SNAI1: variants seen among roughly 807,000 people sequenced by gnomAD.
SNAI1 encodes the protein snail family transcriptional repressor 1.
SNAI1 carries 15 observed loss-of-function variants against 24.7 expected under a neutral mutation model. The observed-to-expected ratio is 0.61, with a 90% CI of 0.41 to 0.93. SNAI1 has a LOEUF of 0.93. Among genes scored for constraint, SNAI1 ranks in the 40% least tolerant of loss-of-function variants. The pLI is 0.00. For missense variants in SNAI1, 283 were observed against 336.7 expected (o/e 0.84, Z 1.25); for synonymous variants, 163 against 142.9 (o/e 1.14, Z -1.00).
intron 2 of SNAI1, 30 bp from the exon 3 acceptor site, chr20:49,987,842 C>CA: frequency 1.9e-6 from 3 of 1,608,332 alleles, no homozygotes; most frequent in Non-Finnish European, 2.6e-6. Context: ...TCCCACGGCT[C>CA]ACTCGGCCTT....
intron 2 of SNAI1, among the ~76,000 whole-genome samples, chr20:49,985,190 G>T (rs2078330203): frequency 6.6e-6 from 1 of 152,256 alleles, no homozygotes; most frequent in Admixed American, 6.5e-5. Context: ...AAACTTTCTG[G>T]ACATGGAGAA....
chr20:49,983,323 T>C (rs1030810099), intron 1 of SNAI1, among the ~76,000 whole-genome samples, 182 bp downstream of exon 1: 1 of 150,140 alleles, frequency 6.7e-6, no homozygotes, highest in Non-Finnish European at 1.5e-5. Context: ...GTCTGGGTGG[T>C]TGGGGGAGTG....
intron 1 of SNAI1, among the ~76,000 whole-genome samples, 195 bp downstream of exon 1, chr20:49,983,336 G>A (rs535017416): frequency 7.2e-4 from 109 of 151,834 alleles, no homozygotes; most frequent in Non-Finnish European, 2.1e-4. Context: ...GGGGAGTGCC[G>A]TGTAGAGGGC....
At chr20:49,987,677 TCAGAGTTGCA>T (rs1393662213) in intron 2 of SNAI1, among the ~76,000 whole-genome samples, 185 bp from the exon 3 acceptor site, 3 of 152,116 alleles carry the variant, frequency 2.0e-5, no homozygotes, top group Non-Finnish European at 4.4e-5. Flanking sequence ...GACAACTTGC[TCAGAGTTGCA>T]CAGTGGGAAG....
intron 2 of SNAI1, among the ~76,000 whole-genome samples, chr20:49,987,612 T>C (rs2078337972): frequency 6.6e-6 from 1 of 151,574 alleles, no homozygotes; most frequent in Non-Finnish European, 1.5e-5. Flanking sequence ...CCCCTATGAG[T>C]GGGGGGTGAA....
chr20:49,988,141 T>C lies in SNAI1; in HGVS notation c.*85T>C. ...CAGCAGGAAGGACCCCACATCCTTC[T>C]CACTGCCATGGAATTCCCTCCTGAG... On this transcript the variant is annotated 3_prime_UTR_variant, in exon 3 of 3. Transcript: ENST00000244050. 2 of 1,235,742 alleles carry C rather than the reference T, an allele frequency of 1.6e-6. No homozygotes were observed. The highest frequency in any genetic ancestry group is 2.3e-6 in the Non-Finnish European group (2 of 886,258). 76.5% of individuals were successfully genotyped at this position (1,235,742 alleles called of 1,614,324 possible).
rs759304098 is a variant in SNAI1, at chr20:49,983,047, T to G, written c.-13T>G. On this transcript the variant is annotated 5_prime_UTR_variant, in exon 1 of 3. Coordinates refer to ENST00000244050, the MANE Select transcript of SNAI1 (RefSeq NM_005985.4). ...CTGCTGCGCGAATCGGCGACCCCAG[T>G]GCCTCGACCACTATGCCGCGCTCTT... 1.2e-6 allele frequency: 2 copies of G among 1,610,504 alleles called. No individual in the cohort carries two copies. Among genetic ancestry groups the G allele is most frequent in the East Asian group, 2.2e-5 (1 of 44,700 alleles).
rs2078324798 is a variant in SNAI1 at position 49,983,894 on chromosome 20, C to A, written c.153C>A (p.Asn51Lys). ...CCATCCCACCTCCGGAGATCCTCAA[C>A]CCCACCGCCTCGCTGCCAATGCTCA... is the stretch of plus-strand genomic sequence containing the variant. ...LAAIPPPEIL[N>K]PTASLPMLIW... Residue 51 changes from asparagine (N) to lysine (K), a missense_variant, in exon 2 of 3, where the codon AAC (asparagine) becomes AAA (lysine). Physicochemically the swap from Asn to Lys is moderately conservative, Grantham distance 94 (BLOSUM62 0). Transcript: ENST00000244050. 1 of 1,613,178 alleles carries A rather than the reference C, an allele frequency of 6.2e-7. No homozygotes were observed. Among genetic ancestry groups the A allele is most frequent in the Non-Finnish European group, 8.5e-7 (1 of 1,179,922 alleles).
chr20:49,983,077 C>G lies in SNAI1; in HGVS notation c.18C>G (p.Leu6=), dbSNP rs780596210. 1 of 1,613,744 alleles carries G rather than the reference C, an allele frequency of 6.2e-7. No homozygotes were observed. Among genetic ancestry groups the G allele is most frequent in the South Asian group, 1.1e-5 (1 of 91,048 alleles). The change falls in exon 1 of 3, where the codon CTC becomes CTG. Residue 6 remains leucine (L), a synonymous_variant. Coordinates refer to ENST00000244050, the MANE Select transcript of SNAI1 (RefSeq NM_005985.4). Reference sequence around the variant, plus strand: ...CGACCACTATGCCGCGCTCTTTCCTCGTCAGGAAGCCCTCCGACCCCAATC... The same window carrying G: ...CGACCACTATGCCGCGCTCTTTCCTGGTCAGGAAGCCCTCCGACCCCAATC... MPRSF[L]VRKPSDPNRK...
rs2078340674 is a variant in SNAI1, at chr20:49,988,274, G to A, written c.*218G>A. On this transcript the variant is annotated 3_prime_UTR_variant, in exon 3 of 3. Transcript: ENST00000244050. ...AAGAGGCCTTCCCATGGCCATTTCT[G>A]TGGAGGGAGGGCAGCTGGCCCCCAG... is the stretch of plus-strand genomic sequence containing the variant. 1.5e-5 allele frequency: 8 copies of A among 522,556 alleles called. No homozygotes were observed. The East Asian group carries it at 2.6e-4, about 17-fold the overall frequency. The allele number at this position is 522,556 out of a possible 1,614,324, so 32.4% of individuals were successfully genotyped here.
At chr20:49,987,671 A>G (rs1345287609) in intron 2 of SNAI1, among the ~76,000 whole-genome samples, 1 of 152,138 alleles carries the variant, frequency 6.6e-6, no homozygotes, top group African/African-American at 2.4e-5. Context: ...AAGCCAGACA[A>G]CTTGCTCAGA....
intron 1 of SNAI1, among the ~76,000 whole-genome samples, 191 bp downstream of exon 1, chr20:49,983,332 T>G: frequency 6.7e-6 from 1 of 148,590 alleles, no homozygotes; most frequent in African/African-American, 2.5e-5. Context: ...GTTGGGGGAG[T>G]GCCGTGTAGA....
At chr20:49,983,185 A>T (rs1349566828) in intron 1 of SNAI1, 44 bp downstream of exon 1, 1 of 1,483,568 alleles carries the variant, frequency 6.7e-7, no homozygotes, top group Non-Finnish European at 9.4e-7. Context: ...TGGGGGAGAC[A>T]GGCGAAGGCT....
intron 2 of SNAI1, among the ~76,000 whole-genome samples, chr20:49,985,971 T>C (rs60541386): frequency 0.28 from 42,099 of 152,046 alleles, 9,605 homozygotes; most frequent in African/African-American, 0.63. Flanking sequence ...TCCTAGAATG[T>C]CTCCTTCCCC....
chr20:49,984,660 G>A (rs1320607734), intron 2 of SNAI1, among the ~76,000 whole-genome samples: 3 of 152,184 alleles, frequency 2.0e-5, no homozygotes, highest in East Asian at 3.8e-4. Flanking sequence ...GGGCCCACCC[G>A]GCCACACCCT....
In SNAI1 at chr20:49,988,293, C is replaced by T; in HGVS notation, c.*237C>T. ...ATTTCTGTGGAGGGAGGGCAGCTGG[C>T]CCCCAGCCCTGGGGGATTCCTGAGC... On this transcript the variant is annotated 3_prime_UTR_variant, in exon 3 of 3. Transcript: ENST00000244050. 4.0e-6 allele frequency: 2 copies of T among 503,312 alleles called. No homozygotes were observed. Among genetic ancestry groups the T allele is most frequent in the South Asian group, 3.0e-5 (1 of 33,452 alleles). The allele number at this position is 503,312 out of a possible 1,614,324, so 31.2% of individuals were successfully genotyped here.
intron 2 of SNAI1, among the ~76,000 whole-genome samples, chr20:49,987,071 C>G (rs921369980): frequency 3.3e-5 from 5 of 152,228 alleles, no homozygotes; most frequent in Non-Finnish European, 7.3e-5. Flanking sequence ...CACAGGTTTC[C>G]GTAGCCTCTT....
Position 49,984,294 on chromosome 20 carries a change from T to G in SNAI1, c.553T>G (p.Cys185Gly). ...CACGCTGCCCTGCGTCTGCGGAACCTGCGGGAAGGCCTTCTCTAGGCCCTG... is the reference window on the plus strand; with the variant it reads ...CACGCTGCCCTGCGTCTGCGGAACCGGCGGGAAGGCCTTCTCTAGGCCCTG... ...SHTLPCVCGT[C>G]GKAFSRPWLL... Residue 185 changes from cysteine (C) to glycine (G), a missense_variant, in exon 2 of 3, where the codon TGC (cysteine) becomes GGC (glycine). Physicochemically the swap from Cys to Gly is radical, Grantham distance 159 (BLOSUM62 -3). Transcript: ENST00000244050. 1 of 1,613,536 alleles carries G rather than the reference T, an allele frequency of 6.2e-7. No individual in the cohort carries two copies. Among genetic ancestry groups the G allele is most frequent in the Non-Finnish European group, 8.5e-7 (1 of 1,179,796 alleles).
rs763916344 is a variant in SNAI1, at chr20:49,987,850, CT to C, written c.611-19del. 1.1e-5 allele frequency: 17 copies of C among 1,612,656 alleles called. No individual in the cohort carries two copies. The Admixed American group carries it at 2.7e-4, about 25-fold the overall frequency. On this transcript the variant is annotated intron_variant, in intron 2 of 2. Coordinates refer to ENST00000244050, the MANE Select transcript of SNAI1 (RefSeq NM_005985.4). ...GCCGTTGTCCCACGGCTCACTCGGC[CT>C]TTCTGGCGTTCTCTCCCCAGGCGAG... is the stretch of plus-strand genomic sequence containing the variant.
Sources: allele counts gnomAD v4.1 joint callset (sites outside exome capture counted in the v4.1 genomes callset), GRCh38; gene constraint gnomAD v4.1.1; transcripts MANE v1.5; gene names NCBI Gene and HGNC (gene_info 2026-07-23, HGNC 2026-07-21).